ICE1: variants seen among roughly 807,000 people sequenced by gnomAD.
ICE1 encodes the protein interactor of little elongation complex ELL subunit 1.
A neutral mutation model predicts 192.7 loss-of-function variants in ICE1; 64 were observed. The ratio of observed to expected loss-of-function variants is 0.33; its 90% CI spans 0.27 to 0.41. The LOEUF is 0.41. ICE1 is among the 10% of genes least tolerant of loss of function. The probability of loss-of-function intolerance (pLI) is 1.00; values close to 1 mark genes in which losing one functional copy is unlikely to be tolerated. For missense variants in ICE1, 2,708 were observed against 2,696.0 expected, an observed-to-expected ratio of 1.00 and a Z score of -0.10; for synonymous variants, 1,010 against 984.5, an observed-to-expected ratio of 1.03 and a Z score of -0.49.
chr5:5,426,877 C>G lies in ICE1; in HGVS notation c.84+3878C>G, dbSNP rs541732775. Among the ~76,000 whole-genome samples, 56 of 152,288 alleles carry G rather than the reference C, an allele frequency of 3.7e-4. No homozygotes were observed. The South Asian group carries it at 0.011, about 30-fold the overall frequency. On this transcript the variant is annotated intron_variant, in intron 1 of 18. Transcript: ENST00000296564. ...GTGTGAGAGAGAAACTAAAGAGGTA[C>G]AGAGAGAAGATATTCTGTGCTATAG... is the stretch of plus-strand genomic sequence containing the variant.
At chr5:5,435,678 G>GTTTTTTT (rs796599483) in intron 1 of ICE1, among the ~76,000 whole-genome samples, 2 of 116,738 alleles carry the variant, frequency 1.7e-5, no homozygotes, top group African/African-American at 6.3e-5. Flanking sequence ...TTTTTGTTTT[G>GTTTTTTT]TTTTTGTTTT....
In ICE1 at chr5:5,476,050, T is replaced by C. The variant is rs934143875; in HGVS notation, c.6491T>C (p.Ile2164Thr). Residue 2164 changes from isoleucine to threonine, a missense_variant, in exon 17 of 19, where the codon ATT becomes ACT. Coordinates refer to ENST00000296564, the MANE Select transcript of ICE1 (RefSeq NM_015325.3). ...GHANIAYTPDIIIASILRLIG... is the reference protein window; with the variant it reads ...GHANIAYTPDTIIASILRLIG... ...GCAAACATTGCGTATACTCCTGATATTATTATAGCCTCAATACTGAGGCTG... is the reference window on the plus strand; with the variant it reads ...GCAAACATTGCGTATACTCCTGATACTATTATAGCCTCAATACTGAGGCTG... The C allele has an allele frequency of 2.5e-6, 4 of 1,606,782 alleles. No individual in the cohort carries two copies. The highest frequency in any genetic ancestry group is 2.6e-6 in the Non-Finnish European group (3 of 1,174,916).
At chr5:5,426,899 A>G (rs1044786606) in intron 1 of ICE1, among the ~76,000 whole-genome samples, 3 of 152,242 alleles carry the variant, frequency 2.0e-5, no homozygotes, top group African/African-American at 7.2e-5. Flanking sequence ...ATTCTGTGCT[A>G]TAGTTTTAAC....
intron 16 of ICE1, among the ~76,000 whole-genome samples, chr5:5,474,351 G>A (rs988972280): frequency 4.6e-5 from 7 of 152,166 alleles, no homozygotes; most frequent in African/African-American, 1.4e-4. Context: ...CTGGAGGGGC[G>A]GAGGGTGGCC....
chr5:5,454,724 C>T lies in ICE1; in HGVS notation c.691+86C>T, dbSNP rs1738537572. 9 of 845,904 alleles carry T rather than the reference C, an allele frequency of 1.1e-5. No individual in the cohort carries two copies. The Admixed American group carries it at 1.6e-4, about 15-fold the overall frequency. The allele number at this position is 845,904 out of a possible 1,614,324, so 52.4% of individuals were successfully genotyped here. On this transcript the variant is annotated intron_variant, in intron 11 of 18. Transcript: ENST00000296564. ...CATAGCAGCCGTTACTTTTTAATAG[C>T]TCCTGATTCTAACATTGAAAGAATG...
intron 11 of ICE1, among the ~76,000 whole-genome samples, chr5:5,455,970 A>G (rs1579558055): frequency 6.6e-6 from 1 of 151,752 alleles, no homozygotes; most frequent in East Asian, 1.9e-4. Flanking sequence ...TTTTTTTTTA[A>G]TCTCTCATGT....
At position 5,463,742 on chromosome 5, in the gene ICE1, T is replaced by A; in HGVS notation, c.4408T>A (p.Ser1470Thr). The A allele has an allele frequency of 6.2e-7, 1 of 1,613,772 alleles. No homozygotes were observed. Among genetic ancestry groups the A allele is most frequent in the Non-Finnish European group, 8.5e-7 (1 of 1,179,856 alleles). The change falls in exon 13 of 19, where the codon TCC becomes ACC. Residue 1470 changes from serine to threonine, a missense_variant. Physicochemically the swap from Ser to Thr is moderately conservative, Grantham distance 58 (BLOSUM62 1). Around this residue, in one of 2 missense-constraint regions of ICE1, gnomAD observed 2,366 missense variants for 2,276.6 expected, o/e 1.04. Transcript: ENST00000296564. ...GCIPVTSAEK[S>T]PEASHTGPAF... ...CATCCCAGTGACTTCTGCTGAGAAG[T>A]CCCCAGAGGCCAGTCACACTGGCCC... is the stretch of plus-strand genomic sequence containing the variant.
rs1381777308 is a variant in ICE1, at chr5:5,457,572, A to G, written c.932A>G (p.His311Arg). 13 of 1,614,026 alleles carry G rather than the reference A, an allele frequency of 8.1e-6. No homozygotes were observed. Among genetic ancestry groups the G allele is most frequent in the Non-Finnish European group, 1.1e-5 (13 of 1,179,884 alleles). Residue 311 changes from histidine (H) to arginine (R), a missense_variant, in exon 12 of 19, where the codon CAT becomes CGT. His to Arg is a conservative substitution (Grantham distance 29). This residue lies in a region of ICE1 where 2,366 missense variants were observed against 2,276.6 expected (regional missense o/e 1.04). Transcript: ENST00000296564. ...NGNLEVLVQS[H>R]RDGGSTEFVD... ...AATCTTGAGGTTTTAGTACAAAGTCATCGTGACGGTGGTAGTACTGAATTT... is the reference window on the plus strand; with the variant it reads ...AATCTTGAGGTTTTAGTACAAAGTCGTCGTGACGGTGGTAGTACTGAATTT...
chr5:5,458,848 G>A (rs1320294895), intron 12 of ICE1, among the ~76,000 whole-genome samples: 3 of 152,050 alleles, frequency 2.0e-5, no homozygotes, highest in South Asian at 2.1e-4. Flanking sequence ...GCAGGGTAGC[G>A]GCTTAATAAG....
intron 1 of ICE1, among the ~76,000 whole-genome samples, chr5:5,424,224 G>A (rs996658368): frequency 2.0e-5 from 3 of 152,168 alleles, no homozygotes; most frequent in African/African-American, 7.2e-5. Flanking sequence ...AACTTGGTTT[G>A]CATTTTAAGT....
At chr5:5,444,220 C>A in intron 6 of ICE1, 69 bp from the exon 7 acceptor site, 1 of 984,680 alleles carries the variant, frequency 1.0e-6, no homozygotes, top group Admixed American at 2.4e-5. Flanking sequence ...ATATGTGCCA[C>A]AAATTATAAG....
At chr5:5,447,786 A>T in intron 9 of ICE1, 26 bp downstream of exon 9, 4 of 1,574,604 alleles carry the variant, frequency 2.5e-6, no homozygotes, top group Admixed American at 1.8e-5. Context: ...ATGCTTACAT[A>T]AATTTATTTT....
rs147829903 is a variant in ICE1, at chr5:5,446,328, TC to T, written c.425-1097del. On this transcript the variant is annotated intron_variant, in intron 7 of 18. Transcript: ENST00000296564. ...TTATTTTTTTGAGACAGGGTCTCAC[TC>T]CGTCACCTAGGCTGGAGTACAGTGG... is the stretch of plus-strand genomic sequence containing the variant. 5.7e-4 allele frequency among the ~76,000 whole-genome samples: 87 copies of T among 152,162 alleles called. 2 individuals are homozygous for T. The East Asian group carries it at 0.016, about 28-fold the overall frequency.
intron 13 of ICE1, 133 bp from the exon 14 acceptor site, chr5:5,466,201 G>T: frequency 1.4e-6 from 1 of 730,790 alleles, no homozygotes; most frequent in Non-Finnish European, 2.1e-6. Flanking sequence ...CAGTTACTAT[G>T]CTCTACCTTC....
chr5:5,486,386 G>C (rs1258432373), intron 17 of ICE1, among the ~76,000 whole-genome samples: 1 of 152,202 alleles, frequency 6.6e-6, no homozygotes, highest in Non-Finnish European at 1.5e-5. Context: ...GACTACACTT[G>C]AGAATTACTG....
chr5:5,444,275 AATTTCGTT>A lies in ICE1; in HGVS notation c.387-10_387-3del, dbSNP rs1442427998. Reference sequence around the variant, plus strand: ...CTCTTTCTTGCCATTTAACTTACACAATTTCGTTATTAGGAAGAAGAAACTAGAAGCTA... The same window carrying A: ...CTCTTTCTTGCCATTTAACTTACACAATTAGGAAGAAGAAACTAGAAGCTA... On this transcript the variant is annotated splice_region_variant and splice_polypyrimidine_tract_variant and intron_variant, in intron 6 of 18. Coordinates refer to ENST00000296564, the MANE Select transcript of ICE1 (RefSeq NM_015325.3). The A allele has an allele frequency of 6.4e-7, 1 of 1,551,480 alleles. No homozygotes were observed. The highest frequency in any genetic ancestry group is 1.7e-4 in the Middle Eastern group (1 of 5,986).
At chr5:5,480,611 G>T (rs1181789935) in intron 17 of ICE1, among the ~76,000 whole-genome samples, 1 of 152,128 alleles carries the variant, frequency 6.6e-6, no homozygotes, top group Non-Finnish European at 1.5e-5. Context: ...TTGAGAATCG[G>T]TTATATAAGT....
At chr5:5,432,598 G>A (rs570219486) in intron 1 of ICE1, among the ~76,000 whole-genome samples, 50 of 152,288 alleles carry the variant, frequency 3.3e-4, no homozygotes, top group Admixed American at 1.9e-3. Flanking sequence ...AAACTAGTTT[G>A]CTCAGCAGCT....
intron 1 of ICE1, among the ~76,000 whole-genome samples, chr5:5,423,491 C>T (rs1737399979): frequency 6.6e-6 from 1 of 152,196 alleles, no homozygotes; most frequent in Non-Finnish European, 1.5e-5. Context: ...CAGCTTATAG[C>T]AGATGTGCCA....
Sources: gnomAD v4.1 joint callset for allele counts (sites outside exome capture counted in the v4.1 genomes callset) on GRCh38, gnomAD v4.1.1 for gene constraint, gnomAD v4.1.1 regional missense constraint, MANE v1.5 for transcripts, NCBI Gene and HGNC (gene_info 2026-07-23, HGNC 2026-07-21) for gene names.